AK7: variants seen among roughly 807,000 people sequenced by gnomAD.
AK7 encodes adenylate kinase 7.
Under a neutral mutation model 96.6 loss-of-function variants are expected in AK7, and 78 were observed. That is an observed-to-expected ratio of 0.81 (90% CI 0.67 to 0.97). AK7 has a LOEUF of 0.97. AK7 is among the 50% of genes least tolerant of loss of function. The pLI is 0.00. For missense variants in AK7, 855 were observed against 887.9 expected, an observed-to-expected ratio of 0.96 and a Z score of 0.47; for synonymous variants, 302 against 317.2, an observed-to-expected ratio of 0.95 and a Z score of 0.51.
At chr14:96,468,471 T>A (rs1894708001) in intron 12 of AK7, among the ~76,000 whole-genome samples, 1 of 151,610 alleles carries the variant, frequency 6.6e-6, no homozygotes, top group Non-Finnish European at 1.5e-5. Context: ...AATTATTTTG[T>A]ATTTTTTAGT....
At chr14:96,461,920 C>T (rs1894273192) in intron 12 of AK7, among the ~76,000 whole-genome samples, 1 of 152,166 alleles carries the variant, frequency 6.6e-6, no homozygotes, top group South Asian at 2.1e-4. Context: ...TATAATTGGC[C>T]TTTGCAAGGG....
intron 12 of AK7, among the ~76,000 whole-genome samples, chr14:96,463,893 G>C (rs1167414761): frequency 1.3e-5 from 2 of 152,008 alleles, no homozygotes; most frequent in African/African-American, 4.8e-5. Flanking sequence ...ACAGGGAAGG[G>C]TGGGGTCACC....
In AK7 at chr14:96,461,866, G is replaced by A. The variant is rs574181471; in HGVS notation, c.1357+3654G>A. 1.1e-3 allele frequency among the ~76,000 whole-genome samples: 175 copies of A among 152,314 alleles called. 1 individual carries two copies. The South Asian group carries it at 0.016, about 14-fold the overall frequency. On this transcript the variant is annotated intron_variant, in intron 12 of 17. Coordinates refer to ENST00000267584, the MANE Select transcript of AK7 (RefSeq NM_152327.5). ...CTCTGAAAGTGCTGGGACTACAGGC[G>A]TGAGCCACTGTGCTTGGCCAAGCAT... is the stretch of plus-strand genomic sequence containing the variant.
rs545580606 is a variant in AK7 at position 96,449,734 on chromosome 14, C to G, written c.871-68C>G. On this transcript the variant is annotated intron_variant, in intron 8 of 17. Coordinates refer to ENST00000267584, the MANE Select transcript of AK7 (RefSeq NM_152327.5). ...CAGGCGTGAGCCACTGCGCCTGGCC[C>G]ATTTGAGTTTTATATAAAGTAAAAC... 13 of 1,219,360 alleles carry G rather than the reference C, an allele frequency of 1.1e-5. No homozygotes were observed. The East Asian group carries it at 3.2e-4, about 30-fold the overall frequency. 75.5% of individuals were successfully genotyped at this position (1,219,360 alleles called of 1,614,324 possible). A position where few individuals can be genotyped will look rare whatever the true frequency, so the allele number is the denominator to read the frequency against.
Position 96,483,370 on chromosome 14 carries a change from T to C in AK7, c.1974+151T>C, listed in dbSNP as rs1895611044. 3 of 795,746 alleles carry C rather than the reference T, an allele frequency of 3.8e-6. No homozygotes were observed. The African/African-American group carries it at 5.2e-5, about 14-fold the overall frequency. 49.3% of individuals were successfully genotyped at this position (795,746 alleles called of 1,614,324 possible). A position where few individuals can be genotyped will look rare whatever the true frequency, so the allele number is the denominator to read the frequency against. ...CAAATTTGTGTTTGCTTTTTGTCAT[T>C]TGTACCATTTAAAAAAGGATATCCA... On this transcript the variant is annotated intron_variant, in intron 16 of 17. Transcript: ENST00000267584.
chr14:96,457,103 C>G (rs1474295556), intron 11 of AK7: 1 of 147,536 alleles, frequency 6.8e-6, no homozygotes, highest in East Asian at 2.0e-4. Context: ...CTTTGTCACC[C>G]AGGCTGGAGT....
chr14:96,486,278 C>T (rs1895767328), intron 16 of AK7, among the ~76,000 whole-genome samples: 1 of 152,160 alleles, frequency 6.6e-6, no homozygotes, highest in African/African-American at 2.4e-5. Context: ...CTTAGGTGCA[C>T]CTACCATGCA....
At chr14:96,419,895 TCTC>T (rs769773784) in intron 4 of AK7, among the ~76,000 whole-genome samples, 1 of 150,458 alleles carries the variant, frequency 6.6e-6, no homozygotes. Flanking sequence ...TTCAAGCAAT[TCTC>T]CTGCCTCAGC....
intron 5 of AK7, among the ~76,000 whole-genome samples, chr14:96,431,761 A>G (rs1484189326): frequency 6.6e-6 from 1 of 152,124 alleles, no homozygotes; most frequent in Non-Finnish European, 1.5e-5. Context: ...AGTTCTGTAG[A>G]TGTCTAGTAT....
intron 14 of AK7, among the ~76,000 whole-genome samples, chr14:96,474,398 C>T (rs1346458224): frequency 6.8e-6 from 1 of 146,152 alleles, no homozygotes; most frequent in Non-Finnish European, 1.5e-5. Flanking sequence ...CTCTTGAGCT[C>T]AGGAGTTAGA....
At chr14:96,401,392 A>G (rs1890400590) in intron 2 of AK7, among the ~76,000 whole-genome samples, 1 of 152,168 alleles carries the variant, frequency 6.6e-6, no homozygotes, top group African/African-American at 2.4e-5. Flanking sequence ...CCATTAGCAC[A>G]AAGTCCTGCA....
Position 96,399,003 on chromosome 14 carries a change from G to T in AK7, c.294+740G>T, listed in dbSNP as rs771623527. 5 of 151,442 alleles carry T rather than the reference G, an allele frequency of 3.3e-5. No homozygotes were observed. The highest frequency in any genetic ancestry group is 1.2e-4 in the African/African-American group (5 of 41,160). 9.4% of individuals were successfully genotyped at this position (151,442 alleles called of 1,614,324 possible). A position where few individuals can be genotyped will look rare whatever the true frequency, so the allele number is the denominator to read the frequency against. ...TTTTTTTTTTATTCATCCTTCAAGA[G>T]TTGTGTCTCTTCCTCCAGGAAGCCG... On this transcript the variant is annotated intron_variant, in intron 2 of 17. Transcript: ENST00000267584. The surrounding 1 kb of genome is among the most constrained non-coding windows in gnomAD (Gnocchi z 4.1).
intron 3 of AK7, among the ~76,000 whole-genome samples, chr14:96,405,710 AT>A (rs1301553803): frequency 2.6e-5 from 4 of 152,182 alleles, no homozygotes; most frequent in African/African-American, 9.7e-5. Context: ...GAGGGGAGGA[AT>A]TATTTCCAAC....
intron 10 of AK7, among the ~76,000 whole-genome samples, chr14:96,456,056 T>A (rs1478692334): frequency 6.6e-6 from 1 of 151,898 alleles, no homozygotes; most frequent in South Asian, 2.1e-4. Context: ...CTGGCCAACA[T>A]GGAGAAAACC....
rs1204967512 is a variant in AK7, at chr14:96,478,474, G to A, written c.1565G>A (p.Cys522Tyr). 6.2e-7 allele frequency: 1 copy of A among 1,614,138 alleles called. No homozygotes were observed. The highest frequency in any genetic ancestry group is 8.5e-7 in the Non-Finnish European group (1 of 1,180,030). ...FDKLIIPEFV[C>Y]ALDASDEFLK... is the part of the protein sequence containing the mutation. Reference sequence around the variant, plus strand: ...CTGTCCTTCTCCCCAGAATTCGTTTGTGCACTGGATGCTTCGGATGAGTTT... The same window carrying A: ...CTGTCCTTCTCCCCAGAATTCGTTTATGCACTGGATGCTTCGGATGAGTTT... Residue 522 changes from cysteine (C) to tyrosine (Y), a missense_variant, in exon 15 of 18, where the codon TGT becomes TAT. Transcript: ENST00000267584.
At chr14:96,424,944 G>C (rs1201663196) in intron 5 of AK7, among the ~76,000 whole-genome samples, 1 of 152,088 alleles carries the variant, frequency 6.6e-6, no homozygotes, top group Non-Finnish European at 1.5e-5. Context: ...TGAGAAATAT[G>C]ATCATATTAA....
intron 4 of AK7, among the ~76,000 whole-genome samples, chr14:96,419,783 T>C (rs1312286718): frequency 1.6e-5 from 2 of 127,562 alleles, no homozygotes. Context: ...TTTTTTTCTT[T>C]CTTTTCTTTT....
intron 5 of AK7, chr14:96,424,154 C>T: frequency 1.6e-6 from 1 of 625,278 alleles, no homozygotes; most frequent in African/African-American, 1.8e-5. Context: ...GCGGGTGCTG[C>T]GGCTGTTCGT....
intron 11 of AK7, 135 bp from the exon 12 acceptor site, chr14:96,457,947 AT>A: frequency 8.1e-7 from 1 of 1,234,846 alleles, no homozygotes. Context: ...ATCCTGCAAA[AT>A]TTTGCATGAC....
Sources: allele counts gnomAD v4.1 joint callset (sites outside exome capture counted in the v4.1 genomes callset), GRCh38; gene constraint gnomAD v4.1.1; non-coding constraint Gnocchi (gnomAD v3.1); transcripts MANE v1.5; gene names NCBI Gene and HGNC (gene_info 2026-07-23, HGNC 2026-07-21).